WDSUB1: variants seen among roughly 807,000 people sequenced by gnomAD.
WDSUB1 encodes WD repeat, sterile alpha motif and U-box domain containing 1.
A neutral mutation model predicts 53.9 loss-of-function variants in WDSUB1; 49 were observed. The ratio of observed to expected loss-of-function variants is 0.91; its 90% confidence interval spans 0.72 to 1.15. The LOEUF (loss-of-function observed/expected upper bound fraction) is 1.15. Ranked by LOEUF, WDSUB1 falls within the 50% of genes most tolerant of loss-of-function variation. The pLI, the probability that WDSUB1 is intolerant of heterozygous loss-of-function variation, is 0.00. For synonymous variants in WDSUB1, 194 were observed against 200.6 expected, an observed-to-expected ratio of 0.97 and a Z score of 0.28; for missense variants, 514 against 562.0, an observed-to-expected ratio of 0.91 and a Z score of 0.86.
chr2:159,267,832 C>A (rs147334265), intron 5 of WDSUB1, among the ~76,000 whole-genome samples: 1 of 152,104 alleles, frequency 6.6e-6, no homozygotes, highest in East Asian at 1.9e-4. Context: ...ATATGCCTGT[C>A]AATTCTTCTA....
At chr2:159,277,353 C>A (rs945140975) in intron 3 of WDSUB1, among the ~76,000 whole-genome samples, 1 of 152,146 alleles carries the variant, frequency 6.6e-6, no homozygotes, top group African/African-American at 2.4e-5. Flanking sequence ...TGGCTGAGAG[C>A]AAAATATTTC....
chr2:159,264,470 T>C (rs1485289938), intron 5 of WDSUB1, among the ~76,000 whole-genome samples: 1 of 152,230 alleles, frequency 6.6e-6, no homozygotes, highest in Non-Finnish European at 1.5e-5. Flanking sequence ...ATCATTTACT[T>C]ACAAAATAGA....
intron 4 of WDSUB1, among the ~76,000 whole-genome samples, chr2:159,273,788 C>T (rs2061487932): frequency 6.6e-6 from 1 of 152,164 alleles, no homozygotes; most frequent in Non-Finnish European, 1.5e-5. Flanking sequence ...TCAGTGTCAA[C>T]ATATTTTCCA....
intron 8 of WDSUB1, 125 bp from the exon 9 acceptor site, chr2:159,256,500 CATGCCTATA>C (rs1008143578): frequency 3.1e-6 from 3 of 963,812 alleles, no homozygotes; most frequent in Non-Finnish European, 4.5e-6. Context: ...TACAGTGGCT[CATGCCTATA>C]ATCCTAGCTT....
Position 159,259,827 on chromosome 2 carries a change from C to G in WDSUB1, c.787G>C (p.Val263Leu), listed in dbSNP as rs2061150964. Residue 263 changes from valine to leucine, a missense_variant, in exon 6 of 11, where the codon GTC (valine) becomes CTC (leucine). Val to Leu is a conservative substitution (Grantham distance 32, BLOSUM62 1). Transcript: ENST00000359774. Reference protein sequence around the residue: ...MLVSGSVDKSVIVYDTNTENI... With the variant: ...MLVSGSVDKSLIVYDTNTENI... The stretch of plus-strand genomic sequence containing the variant: ...ATACTTACAGTATCATATACTATGA[C>G]AGACTTATCCACTGACCTTAAAAGA... 3.9e-6 allele frequency: 6 copies of G among 1,527,810 alleles called. No individual in the cohort carries two copies. Among genetic ancestry groups the G allele is most frequent in the Non-Finnish European group, 5.3e-6 (6 of 1,121,802 alleles). The allele number at this position is 1,527,810 out of a possible 1,614,324, so 94.6% of individuals were successfully genotyped here.
At chr2:159,274,816 A>G (rs1015547327) in intron 4 of WDSUB1, among the ~76,000 whole-genome samples, 9 of 152,210 alleles carry the variant, frequency 5.9e-5, no homozygotes, top group Non-Finnish European at 1.3e-4. Flanking sequence ...AAGATCAGAA[A>G]ACAGAAGGGA....
At chr2:159,240,152 G>A (rs1466567418) in intron 10 of WDSUB1, among the ~76,000 whole-genome samples, 1 of 152,154 alleles carries the variant, frequency 6.6e-6, no homozygotes, top group African/African-American at 2.4e-5. Flanking sequence ...CATACACTAT[G>A]CAGCCTTTGG....
intron 5 of WDSUB1, among the ~76,000 whole-genome samples, chr2:159,265,032 TGA>T (rs2061308108): frequency 6.7e-6 from 1 of 148,158 alleles, no homozygotes; most frequent in African/African-American, 2.5e-5. Context: ...TGCAGTGAGC[TGA>T]GATCGCGCCA....
intron 5 of WDSUB1, among the ~76,000 whole-genome samples, chr2:159,260,875 T>C (rs888542366): frequency 2.2e-4 from 34 of 152,340 alleles, no homozygotes; most frequent in African/African-American, 8.2e-4. Flanking sequence ...ATATTTGTAC[T>C]TATTAAGGGA....
At position 159,276,282 on chromosome 2, in the gene WDSUB1, G is replaced by C. The variant is rs1447797819; in HGVS notation, c.584-644C>G. Among the ~76,000 whole-genome samples the C allele has an allele frequency of 2.0e-5, 3 of 152,062 alleles. No homozygotes were observed. In the East Asian group the frequency reaches 5.8e-4, roughly 29 times the overall value. ...TCCCCATATTGGCCAGGCTGGTCTT[G>C]AACTCCTGACCTTGCAATCCGCCTG... is the stretch of plus-strand genomic sequence containing the variant. On this transcript the variant is annotated intron_variant, in intron 3 of 10. Coordinates refer to ENST00000359774, the MANE Select transcript of WDSUB1 (RefSeq NM_001128212.3).
chr2:159,279,865 C>G lies in WDSUB1; in HGVS notation c.479G>C (p.Cys160Ser). 1 of 1,612,802 alleles carries G rather than the reference C, an allele frequency of 6.2e-7. No individual in the cohort carries two copies. The highest frequency in any genetic ancestry group is 8.5e-7 in the Non-Finnish European group (1 of 1,179,072). Residue 160 changes from cysteine to serine, a missense_variant, in exon 3 of 11, where the codon TGT (cysteine) becomes TCT (serine). Transcript: ENST00000359774. ...ATCATCCCACACTGTTAAATCACCA[C>G]ATGAGGAGCCAGTGACAAAGAAGCT... ...NGSFFVTGSS[C>S]GDLTVWDDKM...
chr2:159,272,792 C>T (rs2151131635), intron 4 of WDSUB1, among the ~76,000 whole-genome samples: 1 of 152,186 alleles, frequency 6.6e-6, no homozygotes, highest in South Asian at 2.1e-4. Flanking sequence ...CCAATATTAT[C>T]TTTATAAAAT....
intron 10 of WDSUB1, among the ~76,000 whole-genome samples, chr2:159,248,066 TAGAC>T (rs1396305807): frequency 3.3e-5 from 5 of 150,538 alleles, no homozygotes; most frequent in Admixed American, 6.8e-5. Context: ...AAATTCATGA[TAGAC>T]AAACACAAGA....
intron 3 of WDSUB1, 52 bp from the exon 4 acceptor site, chr2:159,275,690 C>CT: frequency 1.4e-6 from 2 of 1,400,662 alleles, no homozygotes; most frequent in South Asian, 2.6e-5. Context: ...CTGAAACCCC[C>CT]CCAAAATTCC....
rs774561897 is a variant in WDSUB1, at chr2:159,282,706, C to T, written c.364G>A (p.Val122Ile). 18 of 1,613,692 alleles carry T rather than the reference C, an allele frequency of 1.1e-5. No homozygotes were observed. The Admixed American group carries it at 2.8e-4, about 25-fold the overall frequency. The change falls in exon 2 of 11, where the codon GTT becomes ATT. Residue 122 changes from valine (V) to isoleucine (I), a missense_variant. Val to Ile is a conservative substitution (Grantham distance 29). Coordinates refer to ENST00000359774, the MANE Select transcript of WDSUB1 (RefSeq NM_001128212.3). ...TTGTATGACTGTGCATTCCACAAAA[C>T]CACAGTTCCATCAGCTGCCCCTGAT... The part of the protein sequence containing the change: ...LASGAADGTV[V>I]LWNAQSYKLY...
At chr2:159,239,721 A>C (rs548022796) in intron 10 of WDSUB1, among the ~76,000 whole-genome samples, 1 of 152,266 alleles carries the variant, frequency 6.6e-6, no homozygotes, top group South Asian at 2.1e-4. Flanking sequence ...CCTGGAGTTT[A>C]AGACCAGCCT....
intron 9 of WDSUB1, among the ~76,000 whole-genome samples, chr2:159,250,895 T>G (rs939596032): frequency 6.6e-6 from 1 of 152,124 alleles, no homozygotes; most frequent in African/African-American, 2.4e-5. Context: ...CTTCAAAAAC[T>G]GTCATAAATG....
At chr2:159,273,854 C>T (rs1442411420) in intron 4 of WDSUB1, among the ~76,000 whole-genome samples, 1 of 152,042 alleles carries the variant, frequency 6.6e-6, no homozygotes, top group Non-Finnish European at 1.5e-5. Flanking sequence ...ATTTATTTCC[C>T]GATAAAAGGT....
In WDSUB1 at chr2:159,275,534, T is replaced by C; in HGVS notation, c.676+12A>G. ...CAAATAATTTTAGAGAAGCACTATT[T>C]GGCATACATACCTAAGATATGGGTA... On this transcript the variant is annotated intron_variant, in intron 4 of 10. Coordinates refer to ENST00000359774, the MANE Select transcript of WDSUB1 (RefSeq NM_001128212.3). 1.3e-6 allele frequency: 2 copies of C among 1,575,798 alleles called. No individual in the cohort carries two copies. Among genetic ancestry groups the C allele is most frequent in the Admixed American group, 2.0e-5 (1 of 51,136 alleles).
Sources: allele counts gnomAD v4.1 joint callset (sites outside exome capture counted in the v4.1 genomes callset), GRCh38; gene constraint gnomAD v4.1.1; transcripts MANE v1.5; gene names NCBI Gene and HGNC (gene_info 2026-07-23, HGNC 2026-07-21).